The following UBAP1 variants were observed in gnomAD, a reference collection of about 807,000 sequenced individuals.
The protein encoded by UBAP1 is ubiquitin-associated protein 1.
In UBAP1, 5 loss-of-function variants were observed where a neutral mutation model predicts 39.0. The observed-to-expected ratio is 0.13, with a 90% CI of 0.07 to 0.27. The LOEUF (loss-of-function observed/expected upper bound fraction) is 0.27, where lower values mean the gene tolerates loss of function less well. Ranked by LOEUF, UBAP1 falls within the 10% of genes least tolerant of loss-of-function variation. UBAP1 has a pLI of 1.00. For missense variants in UBAP1, 490 were observed against 608.1 expected (o/e 0.81, Z 2.04); for synonymous variants, 211 against 225.1 (o/e 0.94, Z 0.56).
intron 4 of UBAP1, 131 bp from the exon 5 acceptor site, chr9:34,249,648 T>G: frequency 1.2e-6 from 1 of 846,980 alleles, no homozygotes; most frequent in Non-Finnish European, 1.9e-6. Flanking sequence ...AACCTGGCGA[T>G]TTCTTCCAAC....
chr9:34,224,425 G>T, intron 2 of UBAP1: 1 of 401,692 alleles, frequency 2.5e-6, no homozygotes, highest in Non-Finnish European at 4.7e-6. Context: ...ACAACGCTGA[G>T]CCCCAGGAGA....
chr9:34,250,453 T>C (rs2131637384), intron 5 of UBAP1, among the ~76,000 whole-genome samples: 1 of 152,262 alleles, frequency 6.6e-6, no homozygotes, highest in Admixed American at 6.5e-5. Flanking sequence ...CCTGCTCCTG[T>C]TTAGAAGGCT....
chr9:34,209,107 T>G (rs532871697), intron 1 of UBAP1, among the ~76,000 whole-genome samples: 75 of 151,938 alleles, frequency 4.9e-4, no homozygotes, highest in Non-Finnish European at 9.9e-4. Context: ...GCTAATATTT[T>G]TTGTATTTTT....
chr9:34,235,331 G>GTGTGTA (rs397894315), intron 3 of UBAP1, among the ~76,000 whole-genome samples: 23 of 145,270 alleles, frequency 1.6e-4, no homozygotes, highest in Admixed American at 3.4e-4. Context: ...GTGTGTGTGT[G>GTGTGTA]TATATATATA....
intron 1 of UBAP1, among the ~76,000 whole-genome samples, chr9:34,214,408 CAT>C (rs1302994848): frequency 4.6e-5 from 7 of 152,088 alleles, no homozygotes; most frequent in East Asian, 3.9e-4. Flanking sequence ...CAAACAAAAA[CAT>C]AAAGTGGGGA....
Position 34,241,785 on chromosome 9 carries a change from C to A in UBAP1, c.760C>A (p.Leu254Ile). The change falls in exon 4 of 7, where the codon CTC becomes ATC. Residue 254 changes from leucine to isoleucine, a missense_variant. Physicochemically the swap from Leu to Ile is conservative, Grantham distance 5. Transcript: ENST00000297661. The stretch of plus-strand genomic sequence containing the variant: ...GATGTCACTGTCTTCCAAAGTGTCC[C>A]TCCCCCCTATACCTGCAGTAAGCAA... ...EKMSLSSKVS[L>I]PPIPAVSNIK... 6.2e-7 allele frequency: 1 copy of A among 1,614,060 alleles called. No individual in the cohort carries two copies. The highest frequency in any genetic ancestry group is 8.5e-7 in the Non-Finnish European group (1 of 1,180,004).
chr9:34,224,213 TCCTC>T, intron 2 of UBAP1: 1 of 515,992 alleles, frequency 1.9e-6, no homozygotes, highest in Non-Finnish European at 3.5e-6. Flanking sequence ...AATCTCTTCT[TCCTC>T]AGGAGTCAGC....
chr9:34,248,556 C>T lies in UBAP1; in HGVS notation c.1084-1223C>T, dbSNP rs1197407672. 2.0e-5 allele frequency among the ~76,000 whole-genome samples: 3 copies of T among 152,288 alleles called. No homozygotes were observed. In the East Asian group the frequency reaches 5.8e-4, roughly 29 times the overall value. On this transcript the variant is annotated intron_variant, in intron 4 of 6. Coordinates refer to ENST00000297661, the MANE Select transcript of UBAP1 (RefSeq NM_016525.5). ...CTAAAGAGGGAGACACAATCTTAGA[C>T]CTGCCAAGTGGCTAGACTGGTGTGA... is the stretch of plus-strand genomic sequence containing the variant.
chr9:34,244,461 A>T (rs1191373883), intron 4 of UBAP1, among the ~76,000 whole-genome samples: 50 of 64,006 alleles, frequency 7.8e-4, no homozygotes, highest in South Asian at 5.8e-4. Context: ...CTTTCACTTT[A>T]CTCTTTTTTT....
rs112218577 is a variant in UBAP1, at chr9:34,243,645, G to A, written c.1083+1537G>A. Among the ~76,000 whole-genome samples, 795 of 152,026 alleles carry A rather than the reference G, an allele frequency of 5.2e-3. 5 individuals carry two copies. The highest frequency in any genetic ancestry group is 0.019 in the African/African-American group (768 of 41,460). ...GCTGGGATTACAGGCATGTGCTATC[G>A]TGCTCGGCTCATTTTTGTATTTTTA... On this transcript the variant is annotated intron_variant, in intron 4 of 6. Transcript: ENST00000297661.
chr9:34,240,134 A>G (rs1018370310), intron 3 of UBAP1, among the ~76,000 whole-genome samples: 9 of 152,306 alleles, frequency 5.9e-5, no homozygotes, highest in Admixed American at 3.3e-4. Flanking sequence ...GAGCAGAGTC[A>G]TTGCCACTGC....
In UBAP1 at chr9:34,251,412, A is replaced by G. The variant is rs1479375705; in HGVS notation, c.1389A>G (p.Leu463=). The change falls in exon 7 of 7, where the codon TTA becomes TTG. Residue 463 remains leucine, a synonymous_variant. Transcript: ENST00000297661. ...CTTAGATGATGGAGTTTCTTCAGTT[A>G]ATGAGCAAATTTAAGGAGATGGGCT... ...SEEKMMEFLQ[L]MSKFKEMGFE... is the part of the protein sequence containing the mutation. 1 of 1,614,208 alleles carries G rather than the reference A, an allele frequency of 6.2e-7. No individual in the cohort carries two copies. The highest frequency in any genetic ancestry group is 1.3e-5 in the African/African-American group (1 of 75,048).
In UBAP1 at chr9:34,233,583, G is replaced by T. The variant is rs910757117; in HGVS notation, c.35-633G>T. Among the ~76,000 whole-genome samples, 6 of 152,212 alleles carry T rather than the reference G, an allele frequency of 3.9e-5. No homozygotes were observed. The South Asian group carries it at 1.2e-3, about 32-fold the overall frequency. On this transcript the variant is annotated intron_variant, in intron 2 of 6. Coordinates refer to ENST00000297661, the MANE Select transcript of UBAP1 (RefSeq NM_016525.5). ...GCAATACTGAAGGTTTTGAAAATAT[G>T]TCATTGAATAAGATAGACTTAAATA...
rs117798329 is a variant in UBAP1, at chr9:34,179,436, G to A, written c.-8+196G>A. Among the ~76,000 whole-genome samples the A allele has an allele frequency of 1.3e-3, 203 of 152,188 alleles. 2 individuals carry two copies. In the East Asian group the frequency reaches 0.032, roughly 24 times the overall value. ...GGAGAAGGGTCGGAGTGAGGGGACC[G>A]GAGTTGAAGGGGCGGAGGGGAAGTG... On this transcript the variant is annotated intron_variant, in intron 1 of 6. Coordinates refer to ENST00000297661, the MANE Select transcript of UBAP1 (RefSeq NM_016525.5).
chr9:34,232,187 G>T (rs990366176), intron 2 of UBAP1, among the ~76,000 whole-genome samples: 1 of 152,048 alleles, frequency 6.6e-6, no homozygotes, highest in African/African-American at 2.4e-5. Flanking sequence ...TAGAGAGGGG[G>T]TTTCACCATG....
intron 1 of UBAP1, among the ~76,000 whole-genome samples, chr9:34,193,161 T>C (rs951599382): frequency 4.0e-5 from 6 of 151,740 alleles, no homozygotes; most frequent in Non-Finnish European, 8.8e-5. Context: ...ATACAAAAAA[T>C]TAGCCAGGCG....
chr9:34,251,357 C>T (rs1834519660), intron 6 of UBAP1, 35 bp from the exon 7 acceptor site: 1 of 1,611,522 alleles, frequency 6.2e-7, no homozygotes, highest in Non-Finnish European at 8.5e-7. Context: ...TGACCCCACC[C>T]TTTTCTTTAA....
chr9:34,249,708 G>A (rs1448141420), intron 4 of UBAP1, 71 bp from the exon 5 acceptor site: 11 of 1,474,924 alleles, frequency 7.5e-6, no homozygotes, highest in Admixed American at 5.2e-5. Context: ...CCAACCCCTG[G>A]ACTAGGCTGC....
chr9:34,191,168 G>A (rs1830697935), intron 1 of UBAP1, among the ~76,000 whole-genome samples: 1 of 152,142 alleles, frequency 6.6e-6, no homozygotes, highest in African/African-American at 2.4e-5. Flanking sequence ...CACTGTTGTA[G>A]GTCAGTGATT....
Sources: allele counts gnomAD v4.1 joint callset (sites outside exome capture counted in the v4.1 genomes callset), GRCh38; gene constraint gnomAD v4.1.1; transcripts MANE v1.5; gene names NCBI Gene and HGNC (gene_info 2026-07-23, HGNC 2026-07-21).